FAM86B1: variants seen among roughly 807,000 people sequenced by gnomAD.
The protein encoded by FAM86B1 is family with sequence similarity 86 member B1 (gene/pseudogene).
For missense variants in FAM86B1, 13 were observed against 328.1 expected, an observed-to-expected ratio of 0.04 and a Z score of 7.42; for synonymous variants, 4 against 137.6, an observed-to-expected ratio of 0.03 and a Z score of 6.79.
intron 1 of FAM86B1, among the ~76,000 whole-genome samples, chr8:12,193,322 C>A (rs1807249293): frequency 6.9e-6 from 1 of 144,868 alleles, no homozygotes; most frequent in Non-Finnish European, 1.5e-5. Context: ...GAATATATAT[C>A]CCAACTGACT....
At chr8:12,188,426 T>TA (rs745319455) in intron 3 of FAM86B1, 3,804 of 374,930 alleles carry the variant, frequency 0.01, no homozygotes, top group East Asian at 0.015. Context: ...ATCTTGTCTC[T>TA]AAAAAAAAAA....
chr8:12,192,853 C>T (rs1336827071), intron 1 of FAM86B1, among the ~76,000 whole-genome samples: 4 of 150,408 alleles, frequency 2.7e-5, no homozygotes, highest in African/African-American at 1.0e-4. Flanking sequence ...GGCATTTGTA[C>T]TCAACGCTGA....
At chr8:12,189,429 T>TG in intron 3 of FAM86B1, among the ~76,000 whole-genome samples, 1 of 107,626 alleles carries the variant, frequency 9.3e-6, no homozygotes, top group Admixed American at 9.5e-5. Flanking sequence ...CAGGGGCCCG[T>TG]GGGGCAACCC....
At chr8:12,189,259 TAAATAAATAAATAA>T (rs1563196915) in intron 3 of FAM86B1, among the ~76,000 whole-genome samples, 8 of 28,222 alleles carry the variant, frequency 2.8e-4, no homozygotes, top group African/African-American at 1.3e-3. Context: ...AAAAAATATA[TAAATAAATAAATAA>T]ATAAATAAAT....
chr8:12,193,078 C>T (rs1251643608), intron 1 of FAM86B1, among the ~76,000 whole-genome samples: 1 of 143,810 alleles, frequency 7.0e-6, no homozygotes. Context: ...ATAATAGTAC[C>T]CACCTGGTGG....
At chr8:12,191,349 G>A (rs1806841766) in intron 2 of FAM86B1, among the ~76,000 whole-genome samples, 1 of 114,220 alleles carries the variant, frequency 8.8e-6, no homozygotes. Flanking sequence ...CTTGCATGCA[G>A]ATGCACTTGA....
rs1805070405 is a variant in FAM86B1, at chr8:12,182,493, G to A, written c.*1113C>T. Reference sequence around the variant, plus strand: ...GGGAGTTAGGGACTTGGGAGGGGTTGTTGTTGGGTCGGGGACCTGGGGTCA... The same window carrying A: ...GGGAGTTAGGGACTTGGGAGGGGTTATTGTTGGGTCGGGGACCTGGGGTCA... On this transcript the variant is annotated 3_prime_UTR_variant, in exon 7 of 7. Coordinates refer to ENST00000448228, the MANE Select transcript of FAM86B1 (RefSeq NM_001083537.4). The A allele has an allele frequency of 1.5e-6, 2 of 1,376,886 alleles. No homozygotes were observed. Among genetic ancestry groups the A allele is most frequent in the African/African-American group, 1.5e-5 (1 of 66,688 alleles). The allele number at this position is 1,376,886 out of a possible 1,614,324, so 85.3% of individuals were successfully genotyped here. A position where few individuals can be genotyped will look rare whatever the true frequency, so the allele number is the denominator to read the frequency against.
Position 12,182,183 on chromosome 8 carries a change from C to T in FAM86B1, c.*1423G>A, listed in dbSNP as rs1459313074. 5.9e-6 allele frequency: 1 copy of T among 169,390 alleles called. No homozygotes were observed. Among genetic ancestry groups the T allele is most frequent in the African/African-American group, 3.2e-5 (1 of 31,438 alleles). 10.5% of individuals were successfully genotyped at this position (169,390 alleles called of 1,614,324 possible). A position where few individuals can be genotyped will look rare whatever the true frequency, so the allele number is the denominator to read the frequency against. Reference sequence around the variant, plus strand: ...TGGCCTGCAGGCTGTAGTTTGTGATCCTTGATTCAGACAGTTTAGCAAGGC... The same window carrying T: ...TGGCCTGCAGGCTGTAGTTTGTGATTCTTGATTCAGACAGTTTAGCAAGGC... On this transcript the variant is annotated 3_prime_UTR_variant, in exon 7 of 7. Coordinates refer to ENST00000448228, the MANE Select transcript of FAM86B1 (RefSeq NM_001083537.4).
At chr8:12,191,021 A>G (rs1172923805) in intron 2 of FAM86B1, among the ~76,000 whole-genome samples, 1 of 148,674 alleles carries the variant, frequency 6.7e-6, no homozygotes, top group Admixed American at 6.7e-5. Context: ...GACCTACTGT[A>G]TTGCCCCGAA....
upstream of FAM86B1, chr8:12,194,738 G>A (rs1461790877): frequency 6.3e-6 from 1 of 158,638 alleles, no homozygotes; most frequent in African/African-American, 2.8e-5. Context: ...CCGGTGTTGG[G>A]AGGGACCCAG....
At chr8:12,194,303 G>A (rs1189619279), upstream of FAM86B1, among the ~76,000 whole-genome samples, 207 of 148,070 alleles carry the variant, frequency 1.4e-3, 14 homozygotes, top group African/African-American at 5.2e-3. Flanking sequence ...CCTGGGTAGA[G>A]TCCAGGTTGG....
Position 12,183,137 on chromosome 8 carries a change from GT to G in FAM86B1, c.*468del. ...CTTGGCTTTGTGAGGAACCGAGTGTGTCCAGGGATGTGGCAGCTGCAGCGGG... is the reference window on the plus strand; with the variant it reads ...CTTGGCTTTGTGAGGAACCGAGTGTGCCAGGGATGTGGCAGCTGCAGCGGG... On this transcript the variant is annotated 3_prime_UTR_variant, in exon 7 of 7. Transcript: ENST00000448228. 6.5e-6 allele frequency: 1 copy of G among 154,322 alleles called. No homozygotes were observed. The highest frequency in any genetic ancestry group is 3.3e-5 in the African/African-American group (1 of 29,942). The allele number at this position is 154,322 out of a possible 1,614,324, so 9.6% of individuals were successfully genotyped here. A position where few individuals can be genotyped will look rare whatever the true frequency, so the allele number is the denominator to read the frequency against.
Position 12,182,805 on chromosome 8 carries a change from C to T in FAM86B1, c.*801G>A, listed in dbSNP as rs191333148. 60,049 of 1,468,628 alleles carry T rather than the reference C, an allele frequency of 0.041. 47 individuals are homozygous for T. The highest frequency in any genetic ancestry group is 0.045 in the Non-Finnish European group (48,445 of 1,074,954). 91.0% of individuals were successfully genotyped at this position (1,468,628 alleles called of 1,614,324 possible). A position where few individuals can be genotyped will look rare whatever the true frequency, so the allele number is the denominator to read the frequency against. ...TCTCAGGGCAAAGCCTTTCGAGCAG[C>T]GCCTCCCAGTGGCCAGAAGCTGAAA... is the stretch of plus-strand genomic sequence containing the variant. On this transcript the variant is annotated 3_prime_UTR_variant, in exon 7 of 7. Coordinates refer to ENST00000448228, the MANE Select transcript of FAM86B1 (RefSeq NM_001083537.4).
intron 1 of FAM86B1, among the ~76,000 whole-genome samples, chr8:12,193,076 A>C (rs1184890089): frequency 7.0e-6 from 1 of 143,850 alleles, no homozygotes; most frequent in Non-Finnish European, 1.5e-5. Context: ...TAATAATAGT[A>C]CCCACCTGGT....
At chr8:12,186,230 T>C in intron 5 of FAM86B1, 122 bp downstream of exon 5, 2 of 1,052,232 alleles carry the variant, frequency 1.9e-6, no homozygotes, top group Non-Finnish European at 2.5e-6. Flanking sequence ...CCAGAGTAAC[T>C]CTTCTGGAAG....
At chr8:12,190,052 A>AT (rs1450485945) in intron 2 of FAM86B1, among the ~76,000 whole-genome samples, 164 bp from the exon 3 acceptor site, 4 of 97,630 alleles carry the variant, frequency 4.1e-5, no homozygotes, top group East Asian at 5.3e-4. Flanking sequence ...TTGTCTTAAG[A>AT]TATAAGCCGT....
rs75160822 is a variant in FAM86B1, at chr8:12,193,348, A to C, written c.96+627T>G. On this transcript the variant is annotated intron_variant, in intron 1 of 6. Coordinates refer to ENST00000448228, the MANE Select transcript of FAM86B1 (RefSeq NM_001083537.4). Reference sequence around the variant, plus strand: ...CCAACTGACTCATCCAGTGAGCTCAATGCACATGAATTACAAATGGAACGG... The same window carrying C: ...CCAACTGACTCATCCAGTGAGCTCACTGCACATGAATTACAAATGGAACGG... 5.6e-5 allele frequency among the ~76,000 whole-genome samples: 8 copies of C among 143,950 alleles called. 1 individual carries two copies. The highest frequency in any genetic ancestry group is 8.7e-5 in the African/African-American group (3 of 34,486). 94.4% of individuals were successfully genotyped at this position (143,950 alleles called of 152,430 possible).
chr8:12,193,112 G>A (rs1398020157), intron 1 of FAM86B1, among the ~76,000 whole-genome samples: 1 of 143,440 alleles, frequency 7.0e-6, no homozygotes, highest in Non-Finnish European at 1.5e-5. Context: ...GCCCAAGTTA[G>A]CATTCAGTGT....
At chr8:12,192,536 G>T (rs1371264020) in intron 1 of FAM86B1, among the ~76,000 whole-genome samples, 1 of 132,440 alleles carries the variant, frequency 7.6e-6, no homozygotes, top group Non-Finnish European at 1.5e-5. Context: ...TCACCACTCA[G>T]GTCCCAGTTC....
Sources: gnomAD v4.1 joint callset for allele counts (sites outside exome capture counted in the v4.1 genomes callset) on GRCh38, gnomAD v4.1.1 for gene constraint, MANE v1.5 for transcripts, NCBI Gene and HGNC (gene_info 2026-07-23, HGNC 2026-07-21) for gene names.